Variants in FAM180A observed in about 807,000 individuals in gnomAD.
The protein encoded by FAM180A is protein FAM180A.
A neutral mutation model predicts 15.3 loss-of-function variants in FAM180A; 14 were observed. That is an observed-to-expected ratio of 0.92 (90% CI 0.61 to 1.43). The LOEUF (loss-of-function observed/expected upper bound fraction) is 1.43, where lower values mean the gene tolerates loss of function less well. Ranked by LOEUF, FAM180A falls within the 40% of genes most tolerant of loss-of-function variation. The pLI is 0.00. For synonymous variants in FAM180A, 90 were observed against 96.8 expected, an observed-to-expected ratio of 0.93 and a Z score of 0.41; for missense variants, 200 against 220.8, an observed-to-expected ratio of 0.91 and a Z score of 0.60.
At position 135,729,975 on chromosome 7, in the gene FAM180A, A is replaced by G. The variant is rs1584748463; in HGVS notation, c.*636T>C. On this transcript the variant is annotated 3_prime_UTR_variant, in exon 4 of 4. Transcript: ENST00000338588. ...ACACTGCTGTACCATATGCTTAAAA[A>G]TGGTTAAGATGGTACATTTTACCTG... 1 of 927,874 alleles carries G rather than the reference A, an allele frequency of 1.1e-6. No homozygotes were observed. The highest frequency in any genetic ancestry group is 1.8e-5 in the African/African-American group (1 of 56,012). 57.5% of individuals were successfully genotyped at this position (927,874 alleles called of 1,614,324 possible).
In FAM180A at chr7:135,748,792, C is replaced by T. The variant is rs140581569; in HGVS notation, c.-212G>A. 21 of 556,330 alleles carry T rather than the reference C, an allele frequency of 3.8e-5. No homozygotes were observed. Among genetic ancestry groups the T allele is most frequent in the African/African-American group, 9.5e-5 (5 of 52,902 alleles). The allele number at this position is 556,330 out of a possible 1,614,324, so 34.5% of individuals were successfully genotyped here. Reference sequence around the variant, plus strand: ...GGAGTCGGTACCTCTCTTCATTTGACGCTCTCTGGGATTGGGGAACTGGCC... The same window carrying T: ...GGAGTCGGTACCTCTCTTCATTTGATGCTCTCTGGGATTGGGGAACTGGCC... On this transcript the variant is annotated 5_prime_UTR_variant, in exon 1 of 4. Transcript: ENST00000338588.
chr7:135,748,395 T>C, intron 1 of FAM180A, 110 bp downstream of exon 1: 3 of 799,596 alleles, frequency 3.8e-6, no homozygotes, highest in Non-Finnish European at 6.4e-6. Context: ...TGACAGAGAT[T>C]AGACAAAAGG....
intron 2 of FAM180A, among the ~76,000 whole-genome samples, chr7:135,735,319 T>C (rs1796855683): frequency 6.6e-6 from 1 of 152,214 alleles, no homozygotes; most frequent in Non-Finnish European, 1.5e-5. Flanking sequence ...ATATTTACTA[T>C]AGGACCTCTG....
chr7:135,743,308 G>A (rs1375851581), intron 1 of FAM180A, among the ~76,000 whole-genome samples: 1 of 149,182 alleles, frequency 6.7e-6, no homozygotes, highest in Admixed American at 6.7e-5. Flanking sequence ...AGGTTCAAGC[G>A]ATTCTTGTGC....
At chr7:135,738,714 G>A (rs949263179) in intron 1 of FAM180A, among the ~76,000 whole-genome samples, 5 of 152,192 alleles carry the variant, frequency 3.3e-5, no homozygotes, top group South Asian at 2.1e-4. Context: ...CCAGGACCAC[G>A]TCAGGCTAGG....
intron 3 of FAM180A, among the ~76,000 whole-genome samples, chr7:135,731,362 T>C (rs1052308167): frequency 6.6e-6 from 1 of 151,988 alleles, no homozygotes; most frequent in African/African-American, 2.4e-5. Context: ...CACTGACTTG[T>C]GTTTTACTTA....
At chr7:135,736,334 CTCTT>C (rs1454592205) in intron 2 of FAM180A, among the ~76,000 whole-genome samples, 1 of 152,184 alleles carries the variant, frequency 6.6e-6, no homozygotes, top group Non-Finnish European at 1.5e-5. Flanking sequence ...AACCAGCTGT[CTCTT>C]TCTTAACCAG....
Position 135,729,682 on chromosome 7 carries a change from C to G in FAM180A, c.*929G>C, listed in dbSNP as rs1264509449. 1.0e-6 allele frequency: 1 copy of G among 983,260 alleles called. No homozygotes were observed. Among genetic ancestry groups the G allele is most frequent in the Non-Finnish European group, 1.2e-6 (1 of 828,190 alleles). 60.9% of individuals were successfully genotyped at this position (983,260 alleles called of 1,614,324 possible). A position where few individuals can be genotyped will look rare whatever the true frequency, so the allele number is the denominator to read the frequency against. ...TAGGTACAGCAAGTGTACAATAAGA[C>G]CAGTAGTTCTCCTTCAGAACTCTAC... On this transcript the variant is annotated 3_prime_UTR_variant, in exon 4 of 4. Coordinates refer to ENST00000338588, the MANE Select transcript of FAM180A (RefSeq NM_205855.4).
intron 1 of FAM180A, among the ~76,000 whole-genome samples, chr7:135,741,642 A>G (rs1796951525): frequency 1.3e-5 from 2 of 151,936 alleles, no homozygotes; most frequent in African/African-American, 4.8e-5. Flanking sequence ...TGGGCAACAT[A>G]GTGAGACCCA....
chr7:135,729,865 A>G lies in FAM180A; in HGVS notation c.*746T>C. 3 of 749,848 alleles carry G rather than the reference A, an allele frequency of 4.0e-6. No individual in the cohort carries two copies. The South Asian group carries it at 1.8e-4, about 46-fold the overall frequency. The allele number at this position is 749,848 out of a possible 1,614,324, so 46.4% of individuals were successfully genotyped here. ...TGGGGCAGGCAGGGGGAAGGGGAAAAGAGGAGTTGTTCGGTGGGTATAGAA... is the reference window on the plus strand; with the variant it reads ...TGGGGCAGGCAGGGGGAAGGGGAAAGGAGGAGTTGTTCGGTGGGTATAGAA... On this transcript the variant is annotated 3_prime_UTR_variant, in exon 4 of 4. Coordinates refer to ENST00000338588, the MANE Select transcript of FAM180A (RefSeq NM_205855.4).
intron 3 of FAM180A, among the ~76,000 whole-genome samples, chr7:135,730,734 T>A (rs1490156102): frequency 6.6e-6 from 1 of 152,132 alleles, no homozygotes; most frequent in African/African-American, 2.4e-5. Context: ...TAGGAGACCC[T>A]GTTTGTCTGT....
At chr7:135,739,775 G>A (rs1418460481) in intron 1 of FAM180A, among the ~76,000 whole-genome samples, 3 of 151,956 alleles carry the variant, frequency 2.0e-5, no homozygotes, top group Admixed American at 6.6e-5. Context: ...ATCCTGATGG[G>A]CTTATTATAG....
At chr7:135,745,347 T>A (rs1290776294) in intron 1 of FAM180A, among the ~76,000 whole-genome samples, 1 of 152,204 alleles carries the variant, frequency 6.6e-6, no homozygotes, top group African/African-American at 2.4e-5. Context: ...ATTCATATCC[T>A]TAATAGGTGC....
intron 3 of FAM180A, 85 bp from the exon 4 acceptor site, chr7:135,730,366 A>C (rs560450729): frequency 2.9e-6 from 1 of 343,420 alleles, no homozygotes; most frequent in Admixed American, 6.5e-5. Context: ...ACATGGTGAA[A>C]CCCCATCTCT....
intron 1 of FAM180A, 148 bp downstream of exon 1, chr7:135,748,357 G>A (rs1797060708): frequency 2.9e-6 from 2 of 678,246 alleles, no homozygotes; most frequent in African/African-American, 1.8e-5. Context: ...TCTAAGAAGG[G>A]GGAACACGTC....
intron 1 of FAM180A, among the ~76,000 whole-genome samples, chr7:135,741,025 C>T (rs1307029240): frequency 1.3e-5 from 2 of 151,802 alleles, no homozygotes; most frequent in Admixed American, 6.6e-5. Flanking sequence ...GAGGGAATGT[C>T]AGGGCGTGGA....
At chr7:135,740,468 T>G (rs1213558226) in intron 1 of FAM180A, among the ~76,000 whole-genome samples, 1 of 152,156 alleles carries the variant, frequency 6.6e-6, no homozygotes, top group Non-Finnish European at 1.5e-5. Context: ...ATCCGGGCAC[T>G]TTTAGAAACC....
At chr7:135,737,280 A>T in intron 1 of FAM180A, 81 bp from the exon 2 acceptor site, 1 of 1,162,128 alleles carries the variant, frequency 8.6e-7, no homozygotes, top group Non-Finnish European at 1.2e-6. Context: ...AAGGTAGTCA[A>T]GGAGTCTTAA....
chr7:135,737,474 C>G (rs916526471), intron 1 of FAM180A, among the ~76,000 whole-genome samples: 10 of 151,688 alleles, frequency 6.6e-5, no homozygotes, highest in African/African-American at 2.4e-4. Flanking sequence ...GTAATTGCAG[C>G]TACATGGAAG....
Sources: allele counts gnomAD v4.1 joint callset (sites outside exome capture counted in the v4.1 genomes callset), GRCh38; gene constraint gnomAD v4.1.1; transcripts MANE v1.5; gene names NCBI Gene and HGNC (gene_info 2026-07-23, HGNC 2026-07-21).